NOX4: variants seen among roughly 807,000 people sequenced by gnomAD.
The protein encoded by NOX4 is kidney oxidase-1.
In NOX4, 69 loss-of-function variants were observed where a neutral mutation model predicts 87.6. The ratio of observed to expected loss-of-function variants is 0.79; its 90% CI spans 0.65 to 0.96. NOX4 has a LOEUF of 0.96. NOX4 is among the 40% of genes least tolerant of loss of function. The pLI is 0.00. For missense variants in NOX4, 680 were observed against 681.5 expected, an observed-to-expected ratio of 1.00 and a Z score of 0.02; for synonymous variants, 275 against 238.2, an observed-to-expected ratio of 1.15 and a Z score of -1.42.
intron 9 of NOX4, among the ~76,000 whole-genome samples, chr11:89,401,993 T>C (rs1449122401): frequency 6.6e-6 from 1 of 151,882 alleles, no homozygotes. Context: ...TGGTGGTAGG[T>C]TTTTTTAACT....
intron 12 of NOX4, among the ~76,000 whole-genome samples, chr11:89,355,651 A>C (rs1434424105): frequency 2.2e-4 from 33 of 152,106 alleles, no homozygotes. Context: ...TTAGTCTCCC[A>C]AGACCAAGTG....
the NOX4 span, among the ~76,000 whole-genome samples, chr11:89,550,203 T>TTG: frequency 3.3e-5 from 5 of 151,736 alleles, no homozygotes; most frequent in Non-Finnish European, 7.4e-5. Flanking sequence ...TTTTTTTTTT[T>TTG]GAGACAGAGT....
chr11:89,458,006 C>T (rs530055862), intron 2 of NOX4, among the ~76,000 whole-genome samples: 1 of 152,150 alleles, frequency 6.6e-6, no homozygotes, highest in Non-Finnish European at 1.5e-5. Context: ...AGATTCAATA[C>T]CATTCCTATC....
the NOX4 span, among the ~76,000 whole-genome samples, chr11:89,527,988 G>A: frequency 6.6e-6 from 1 of 152,194 alleles, no homozygotes; most frequent in African/African-American, 2.4e-5. Flanking sequence ...GAAAGCATCT[G>A]GGAGAGGGGC....
the NOX4 span, among the ~76,000 whole-genome samples, chr11:89,566,580 A>G: frequency 6.8e-6 from 1 of 147,566 alleles, no homozygotes; most frequent in Non-Finnish European, 1.5e-5. Flanking sequence ...AGACATATAC[A>G]TAAAAATACA....
chr11:89,377,109 C>CT (rs1939904632), intron 11 of NOX4, among the ~76,000 whole-genome samples: 1 of 151,980 alleles, frequency 6.6e-6, no homozygotes, highest in South Asian at 2.1e-4. Flanking sequence ...GATATTTGTG[C>CT]TTTTTTTCTC....
chr11:89,400,499 G>C, intron 9 of NOX4, 120 bp from the exon 10 acceptor site: 1 of 619,758 alleles, frequency 1.6e-6, no homozygotes, highest in Non-Finnish European at 2.5e-6. Context: ...TTTTAAATAA[G>C]AAAACATAAC....
chr11:89,411,985 T>C (rs1007227699), intron 8 of NOX4, among the ~76,000 whole-genome samples: 5 of 152,138 alleles, frequency 3.3e-5, no homozygotes, highest in Non-Finnish European at 7.4e-5. Flanking sequence ...ACATATTCCA[T>C]GCCAATGGAA....
At chr11:89,504,147 G>T in the NOX4 span, among the ~76,000 whole-genome samples, 1 of 151,734 alleles carries the variant, frequency 6.6e-6, no homozygotes, top group Non-Finnish European at 1.5e-5. Context: ...AGTGGTAGCA[G>T]AAGGGATGTC....
At chr11:89,582,548 T>C in the NOX4 span, among the ~76,000 whole-genome samples, 1 of 152,164 alleles carries the variant, frequency 6.6e-6, no homozygotes, top group Non-Finnish European at 1.5e-5. Flanking sequence ...TTTGAACTAC[T>C]GCTTTTCTTT....
At chr11:89,405,608 T>C (rs1332818192) in intron 8 of NOX4, among the ~76,000 whole-genome samples, 1 of 148,858 alleles carries the variant, frequency 6.7e-6, no homozygotes, top group Admixed American at 6.8e-5. Flanking sequence ...AGACAGACAA[T>C]GATAAAATCA....
chr11:89,579,381 T>C, the NOX4 span, among the ~76,000 whole-genome samples: 1 of 152,066 alleles, frequency 6.6e-6, no homozygotes, highest in Non-Finnish European at 1.5e-5. Context: ...ATGTTGATAA[T>C]TGGGGAGGTT....
chr11:89,572,010 GACTCAAAAGA>G, the NOX4 span, among the ~76,000 whole-genome samples: 3 of 152,148 alleles, frequency 2.0e-5, no homozygotes, highest in South Asian at 2.1e-4. Context: ...GCTGATCAAG[GACTCAAAAGA>G]ATACAGTCTT....
intron 7 of NOX4, among the ~76,000 whole-genome samples, chr11:89,430,779 C>T (rs1027160827): frequency 2.0e-5 from 3 of 152,120 alleles, no homozygotes; most frequent in Admixed American, 2.0e-4. Context: ...GCCATACTGC[C>T]CAAGGTAATT....
intron 12 of NOX4, among the ~76,000 whole-genome samples, chr11:89,371,163 A>C (rs773736027): frequency 5.3e-5 from 8 of 151,966 alleles, no homozygotes; most frequent in Non-Finnish European, 1.0e-4. Context: ...TTGTAATCTC[A>C]TTGTTGTAAG....
chr11:89,521,075 T>C, the NOX4 span, among the ~76,000 whole-genome samples: 2 of 152,218 alleles, frequency 1.3e-5, no homozygotes, highest in African/African-American at 4.8e-5. Context: ...TTCATGCCCA[T>C]AGATTGCAAA....
chr11:89,578,295 G>A, the NOX4 span, among the ~76,000 whole-genome samples: 3 of 151,826 alleles, frequency 2.0e-5, no homozygotes, highest in African/African-American at 4.8e-5. Flanking sequence ...CTGAGTAGCC[G>A]GGACTACAGG....
chr11:89,350,292 T>A (rs906250048), intron 13 of NOX4, among the ~76,000 whole-genome samples: 1 of 152,222 alleles, frequency 6.6e-6, no homozygotes, highest in African/African-American at 2.4e-5. Context: ...CCTTTAAACA[T>A]ATACATACAT....
chr11:89,540,279 G>C, the NOX4 span, among the ~76,000 whole-genome samples: 3 of 151,944 alleles, frequency 2.0e-5, no homozygotes, highest in African/African-American at 7.3e-5. Flanking sequence ...TTGTTCCCTG[G>C]GAATGATTCT....
Sources: allele counts gnomAD v4.1 joint callset (sites outside exome capture counted in the v4.1 genomes callset), GRCh38; gene constraint gnomAD v4.1.1; transcripts MANE v1.5; gene names NCBI Gene and HGNC (gene_info 2026-07-23, HGNC 2026-07-21).